Variants in PHLPP1 observed in about 807,000 individuals in gnomAD.
The protein encoded by PHLPP1 is PH domain leucine-rich repeat-containing protein phosphatase 1.
A neutral mutation model predicts 117.2 loss-of-function variants in PHLPP1; 42 were observed. That is an observed-to-expected ratio of 0.36 (90% CI 0.28 to 0.46). PHLPP1 has a LOEUF of 0.46. Among genes scored for constraint, PHLPP1 ranks in the 20% least tolerant of loss-of-function variants. PHLPP1 has a pLI of 1.00. For missense variants in PHLPP1, 2,084 were observed against 2,241.9 expected (o/e 0.93, Z 1.42); for synonymous variants, 1,042 against 970.7 (o/e 1.07, Z -1.37).
chr18:62,957,735 G>A (rs1910656562), intron 12 of PHLPP1, among the ~76,000 whole-genome samples: 1 of 150,108 alleles, frequency 6.7e-6, no homozygotes, highest in African/African-American at 2.4e-5. Context: ...TTTTTGGTGA[G>A]ATGGAGATTT....
rs200874523 is a variant in PHLPP1, at chr18:62,905,520, GGTGA to G, written c.2708+239_2708+242del. 5.9e-3 allele frequency among the ~76,000 whole-genome samples: 895 copies of G among 152,268 alleles called. 13 individuals are homozygous for G. The highest frequency in any genetic ancestry group is 0.02 in the African/African-American group (843 of 41,562). On this transcript the variant is annotated intron_variant, in intron 8 of 16. Coordinates refer to ENST00000262719, the MANE Select transcript of PHLPP1 (RefSeq NM_194449.4). Reference sequence around the variant, plus strand: ...TTTGAACACACATTTGGACTTGAAAGGTGAGTAAGTTGAGGGCCATATGGCTTAA... The same window carrying G: ...TTTGAACACACATTTGGACTTGAAAGGTAAGTTGAGGGCCATATGGCTTAA...
At chr18:62,736,899 A>G (rs1046093759) in intron 1 of PHLPP1, among the ~76,000 whole-genome samples, 4 of 152,168 alleles carry the variant, frequency 2.6e-5, no homozygotes, top group African/African-American at 7.2e-5. Context: ...TTTTTTCCGT[A>G]TACAAAATAA....
chr18:62,888,291 G>A (rs1465475603), intron 4 of PHLPP1, among the ~76,000 whole-genome samples: 1 of 73,096 alleles, frequency 1.4e-5, no homozygotes, highest in Non-Finnish European at 2.8e-5. Flanking sequence ...CACAAAATGT[G>A]TGTGTGTGTG....
At chr18:62,948,781 C>A (rs1191366140) in intron 12 of PHLPP1, among the ~76,000 whole-genome samples, 2 of 151,216 alleles carry the variant, frequency 1.3e-5, no homozygotes, top group African/African-American at 4.9e-5. Context: ...AGATAGTATT[C>A]TTGAAAAAGA....
chr18:62,966,964 T>C (rs970211803), intron 14 of PHLPP1, among the ~76,000 whole-genome samples: 1 of 152,198 alleles, frequency 6.6e-6, no homozygotes, highest in African/African-American at 2.4e-5. Flanking sequence ...ATAAACAGAA[T>C]TATATAGTAT....
intron 1 of PHLPP1, among the ~76,000 whole-genome samples, chr18:62,820,970 T>G (rs1454125647): frequency 6.6e-6 from 1 of 152,252 alleles, no homozygotes; most frequent in Non-Finnish European, 1.5e-5. Context: ...CTGGAAAATC[T>G]TCAAATACGT....
chr18:62,892,107 T>TTTTTTTTTTTTTTTTTTTTTA (rs1169764772), intron 4 of PHLPP1, among the ~76,000 whole-genome samples: 1 of 117,810 alleles, frequency 8.5e-6, no homozygotes, highest in African/African-American at 2.9e-5. Flanking sequence ...TTTTTTTTTT[T>TTTTTTTTTTTTTTTTTTTTTA]TACGGAGTTT....
At chr18:62,799,589 T>C (rs1489006725) in intron 1 of PHLPP1, among the ~76,000 whole-genome samples, 1 of 152,228 alleles carries the variant, frequency 6.6e-6, no homozygotes, top group Admixed American at 6.5e-5. Flanking sequence ...AGAATGATAG[T>C]TGCACAGTGT....
At chr18:62,913,301 T>TA (rs562070279) in intron 8 of PHLPP1, among the ~76,000 whole-genome samples, 47 of 147,814 alleles carry the variant, frequency 3.2e-4, no homozygotes, top group South Asian at 4.3e-4. Flanking sequence ...TATTAACAAT[T>TA]AAAAAAAAAA....
In PHLPP1 at chr18:62,715,594, GC is replaced by G; in HGVS notation, c.-89del. On this transcript the variant is annotated 5_prime_UTR_variant, in exon 1 of 17. Transcript: ENST00000262719. ...CGCCATTGGCTTCTCCCTTCTCCGC[GC>G]GCCGCCGCCGTCTCCCACCTCCGCC... 1.2e-6 allele frequency: 1 copy of G among 817,372 alleles called. No homozygotes were observed. The highest frequency in any genetic ancestry group is 1.7e-6 in the Non-Finnish European group (1 of 605,258). The allele number at this position is 817,372 out of a possible 1,614,324, so 50.6% of individuals were successfully genotyped here. A position where few individuals can be genotyped will look rare whatever the true frequency, so the allele number is the denominator to read the frequency against.
chr18:62,862,430 G>A (rs911813051), intron 4 of PHLPP1, among the ~76,000 whole-genome samples: 2 of 152,046 alleles, frequency 1.3e-5, no homozygotes, highest in Non-Finnish European at 2.9e-5. Context: ...TTGGGATGTT[G>A]TTAAGCTTAC....
chr18:62,729,735 A>T (rs1484992851), intron 1 of PHLPP1, among the ~76,000 whole-genome samples: 3 of 152,200 alleles, frequency 2.0e-5, no homozygotes, highest in Admixed American at 6.5e-5. Flanking sequence ...TGTATGTAAC[A>T]GTGCTTTCTT....
intron 1 of PHLPP1, among the ~76,000 whole-genome samples, chr18:62,721,868 A>C (rs1410984840): frequency 6.6e-6 from 1 of 152,196 alleles, no homozygotes; most frequent in Non-Finnish European, 1.5e-5. Flanking sequence ...GTTGTTTCTC[A>C]TTCTCTTCTT....
At chr18:62,764,406 C>T (rs1383725932) in intron 1 of PHLPP1, among the ~76,000 whole-genome samples, 4 of 152,074 alleles carry the variant, frequency 2.6e-5, no homozygotes, top group Non-Finnish European at 5.9e-5. Flanking sequence ...CACTTATGTC[C>T]TATGGTTCTT....
Position 62,978,745 on chromosome 18 carries a change from G to C in PHLPP1, c.4468G>C (p.Val1490Leu). 1 of 1,613,534 alleles carries C rather than the reference G, an allele frequency of 6.2e-7. No individual in the cohort carries two copies. The highest frequency in any genetic ancestry group is 8.5e-7 in the Non-Finnish European group (1 of 1,179,840). ...ELSTSEMSSE[V>L]GSTASDEPPP... is the part of the protein sequence containing the mutation. ...CTCCACTTCTGAGATGAGCAGCGAG[G>C]TGGGGTCAACAGCCTCCGATGAGCC... Residue 1490 changes from valine to leucine, a missense_variant, in exon 17 of 17, where the codon GTG becomes CTG. By Grantham distance (32) the Val-to-Leu change is conservative. Around this residue, in one of 2 missense-constraint regions of PHLPP1, gnomAD observed 1,365 missense variants for 1,605.9 expected, o/e 0.85. Coordinates refer to ENST00000262719, the MANE Select transcript of PHLPP1 (RefSeq NM_194449.4). This position sits in a 1 kb window ranked among gnomAD's most constrained non-coding sequence, Gnocchi z 7.0.
rs1910733911 is a variant in PHLPP1, at chr18:62,716,355, C to T, written c.672C>T (p.Asp224=). 7.3e-6 allele frequency: 11 copies of T among 1,497,978 alleles called. No homozygotes were observed. The highest frequency in any genetic ancestry group is 9.7e-6 in the Non-Finnish European group (11 of 1,128,994). 92.8% of individuals were successfully genotyped at this position (1,497,978 alleles called of 1,614,324 possible). Residue 224 remains aspartate (D), a synonymous_variant, in exon 1 of 17, where the codon GAC becomes GAT. Transcript: ENST00000262719. This position sits in a 1 kb window ranked among gnomAD's most constrained non-coding sequence, Gnocchi z 5.7. ...TYLRPVLCTL[D]TTAGEVAARL... ...TGCGCCCGGTGCTCTGCACACTGGA[C>T]ACCACGGCCGGCGAGGTGGCCGCCC...
intron 1 of PHLPP1, among the ~76,000 whole-genome samples, chr18:62,825,112 C>G (rs1914575009): frequency 6.6e-6 from 1 of 151,904 alleles, no homozygotes; most frequent in Admixed American, 6.6e-5. Flanking sequence ...GCGCCTGCCA[C>G]CACGCCTGAA....
rs190251403 is a variant in PHLPP1, at chr18:62,845,263, G to A, written c.1899+6354G>A. Among the ~76,000 whole-genome samples the A allele has an allele frequency of 2.1e-3, 322 of 152,228 alleles. 1 individual carries two copies. The highest frequency in any genetic ancestry group is 3.6e-3 in the Non-Finnish European group (246 of 68,014). ...TCACAGTCGTTATCTCTCCTGCTGT[G>A]TAGCTCTCAGTATTAACCATAGTGT... On this transcript the variant is annotated intron_variant, in intron 3 of 16. Transcript: ENST00000262719.
At chr18:62,977,059 A>G (rs1269003224) in intron 16 of PHLPP1, among the ~76,000 whole-genome samples, 1 of 152,212 alleles carries the variant, frequency 6.6e-6, no homozygotes, top group Non-Finnish European at 1.5e-5. Context: ...GCCAAATTCC[A>G]TGCTTTGGGG....
Sources: allele counts gnomAD v4.1 joint callset (sites outside exome capture counted in the v4.1 genomes callset), GRCh38; gene constraint gnomAD v4.1.1; regional missense constraint gnomAD v4.1.1; non-coding constraint Gnocchi (gnomAD v3.1); transcripts MANE v1.5; gene names NCBI Gene and HGNC (gene_info 2026-07-23, HGNC 2026-07-21).